The following RASGEF1B variants were observed in gnomAD, a reference collection of about 807,000 sequenced individuals.
The protein encoded by RASGEF1B is RasGEF domain family member 1B, also known as ras-GEF domain-containing family member 1B.
A neutral mutation model predicts 65.7 loss-of-function variants in RASGEF1B; 30 were observed. The observed-to-expected ratio is 0.46, with a 90% confidence interval of 0.34 to 0.62. The LOEUF (loss-of-function observed/expected upper bound fraction) is 0.62. Ranked by LOEUF, RASGEF1B falls within the 20% of genes least tolerant of loss-of-function variation. The pLI is 0.01. For synonymous variants in RASGEF1B, 175 were observed against 194.8 expected (o/e 0.90, Z 0.85); for missense variants, 495 against 580.1 (o/e 0.85, Z 1.51).
At chr4:81,440,122 T>C (rs1441180468) in intron 10 of RASGEF1B, among the ~76,000 whole-genome samples, 1 of 152,188 alleles carries the variant, frequency 6.6e-6, no homozygotes, top group Non-Finnish European at 1.5e-5. Flanking sequence ...CAAGCAACCT[T>C]CATTAACCCA....
intron 12 of RASGEF1B, among the ~76,000 whole-genome samples, chr4:81,433,364 C>A (rs186507312): frequency 6.6e-6 from 1 of 151,980 alleles, no homozygotes; most frequent in African/African-American, 2.4e-5. Flanking sequence ...TATGAGCTCA[C>A]TTCTGATGAT....
chr4:81,453,410 A>C (rs984340904), intron 4 of RASGEF1B: 1 of 152,190 alleles, frequency 6.6e-6, no homozygotes, highest in Non-Finnish European at 1.5e-5. Flanking sequence ...TCATCTCTAC[A>C]TTACTTATAA....
chr4:81,445,916 C>G, intron 6 of RASGEF1B, 78 bp from the exon 7 acceptor site: 1 of 1,020,940 alleles, frequency 9.8e-7, no homozygotes, highest in South Asian at 1.4e-5. Context: ...GAAATACGAG[C>G]CTTTAGTCTC....
chr4:81,463,225 A>G (rs1252542726), intron 1 of RASGEF1B, among the ~76,000 whole-genome samples: 2 of 152,202 alleles, frequency 1.3e-5, no homozygotes, highest in Non-Finnish European at 2.9e-5. Flanking sequence ...AAAAAGTTCA[A>G]CTGTCAACAG....
At chr4:81,442,239 G>C (rs1284758673) in intron 9 of RASGEF1B, 58 bp downstream of exon 9, 1 of 1,121,780 alleles carries the variant, frequency 8.9e-7, no homozygotes, top group African/African-American at 1.5e-5. Flanking sequence ...CCACATAAAG[G>C]AATTCCACTT....
intron 13 of RASGEF1B, among the ~76,000 whole-genome samples, chr4:81,431,147 A>C (rs1227861859): frequency 6.6e-6 from 1 of 151,930 alleles, no homozygotes; most frequent in Non-Finnish European, 1.5e-5. Context: ...CACATGAATA[A>C]TACTAAATAG....
intron 1 of RASGEF1B, among the ~76,000 whole-genome samples, chr4:81,463,359 C>T (rs1722708196): frequency 6.6e-6 from 1 of 152,096 alleles, no homozygotes; most frequent in African/African-American, 2.4e-5. Flanking sequence ...TGCATGTAAA[C>T]AGTTGAATGG....
chr4:81,433,922 T>C lies in RASGEF1B; in HGVS notation c.1242A>G (p.Thr414=), dbSNP rs2109966493. 1 of 1,614,024 alleles carries C rather than the reference T, an allele frequency of 6.2e-7. No individual in the cohort carries two copies. The highest frequency in any genetic ancestry group is 2.2e-5 in the East Asian group (1 of 44,864). Residue 414 remains threonine, a synonymous_variant, in exon 12 of 14, where the codon ACA becomes ACG. Transcript: ENST00000264400. ...CAAATGGACACTCCACTTGTTTCCA[T>C]GTCATAAATTCACTCACTTGTTTGG... is the stretch of plus-strand genomic sequence containing the variant. The part of the protein sequence containing the change: ...ELAKQVSEFM[T]WKQVECPFER...
chr4:81,459,699 T>C lies in RASGEF1B; in HGVS notation c.-6-185A>G, dbSNP rs141921004. Among the ~76,000 whole-genome samples, 268 of 152,298 alleles carry C rather than the reference T, an allele frequency of 1.8e-3. 6 individuals are homozygous for C. Among genetic ancestry groups the C allele is most frequent in the Admixed American group, 0.014 (214 of 15,298 alleles). The stretch of plus-strand genomic sequence containing the variant: ...AATTGCTCTCTGAGTACGACACGTA[T>C]GCATGCTTTTGAGTACCACTCTCAT... On this transcript the variant is annotated intron_variant, in intron 1 of 13. Transcript: ENST00000264400.
Position 81,457,546 on chromosome 4 carries a change from G to T in RASGEF1B, c.253C>A (p.His85Asn). The T allele has an allele frequency of 6.2e-7, 1 of 1,614,026 alleles. No homozygotes were observed. The highest frequency in any genetic ancestry group is 8.5e-7 in the Non-Finnish European group (1 of 1,179,962). The change falls in exon 3 of 14, where the codon CAC becomes AAC. Residue 85 changes from histidine to asparagine, a missense_variant. Physicochemically the swap from His to Asn is moderately conservative, Grantham distance 68. Coordinates refer to ENST00000264400, the MANE Select transcript of RASGEF1B (RefSeq NM_152545.3). ...AGTCTCTGGTGCTCAACACATAAGT[G>T]GCAAACTTTGGCCATTAGCTCATAC... ...HPYELMAKVCHLCVEHQRLSD... is the reference protein window; with the variant it reads ...HPYELMAKVCNLCVEHQRLSD...
At chr4:81,470,638 G>A (rs963062747) in intron 1 of RASGEF1B, among the ~76,000 whole-genome samples, 1 of 152,172 alleles carries the variant, frequency 6.6e-6, no homozygotes, top group African/African-American at 2.4e-5. Context: ...TTGGAGACGC[G>A]TTCGGCCCAA....
intron 13 of RASGEF1B, among the ~76,000 whole-genome samples, chr4:81,429,312 G>C (rs888526617): frequency 6.6e-6 from 1 of 152,218 alleles, no homozygotes; most frequent in African/African-American, 2.4e-5. Context: ...ACACAGATGA[G>C]AGCTGTTCTT....
chr4:81,446,604 G>A (rs917113456), intron 6 of RASGEF1B, among the ~76,000 whole-genome samples: 3 of 152,144 alleles, frequency 2.0e-5, no homozygotes, highest in Non-Finnish European at 4.4e-5. Context: ...AGAACATAAT[G>A]TTGCAACAAA....
In RASGEF1B at chr4:81,445,523, C is replaced by T; in HGVS notation, c.928+3G>A. ...CGACATGTATCCTCCACAAAATACT[C>T]ACAGATTATCGCCATCAAGGAGTTG... is the stretch of plus-strand genomic sequence containing the variant. On this transcript the variant is annotated splice_donor_region_variant and intron_variant, in intron 8 of 13. Coordinates refer to ENST00000264400, the MANE Select transcript of RASGEF1B (RefSeq NM_152545.3). 6.3e-7 allele frequency: 1 copy of T among 1,588,954 alleles called. No individual in the cohort carries two copies. The highest frequency in any genetic ancestry group is 8.6e-7 in the Non-Finnish European group (1 of 1,157,702).
Position 81,466,758 on chromosome 4 carries a change from CAA to C in RASGEF1B, c.-7+5010_-7+5011del, listed in dbSNP as rs748152922. 2.2e-3 allele frequency among the ~76,000 whole-genome samples: 125 copies of C among 57,604 alleles called. 3 individuals are homozygous for C. The highest frequency in any genetic ancestry group is 0.012 in the Middle Eastern group (1 of 84). 37.8% of individuals were successfully genotyped at this position (57,604 alleles called of 152,430 possible). ...TGGGCGACAGAGCAAGCCTCCATGT[CAA>C]AAAAAAAAAAAAAGAAAGAAAGAAA... On this transcript the variant is annotated intron_variant, in intron 1 of 13. Transcript: ENST00000264400.
intron 4 of RASGEF1B, 170 bp downstream of exon 4, chr4:81,456,481 A>G (rs777234299): frequency 3.1e-4 from 235 of 754,688 alleles, no homozygotes; most frequent in Non-Finnish European, 4.1e-5. Flanking sequence ...GTGGGATGGT[A>G]TAATCATTCT....
intron 10 of RASGEF1B, among the ~76,000 whole-genome samples, chr4:81,435,550 G>C (rs1350725075): frequency 8.2e-5 from 10 of 122,226 alleles, no homozygotes; most frequent in African/African-American, 3.2e-4. Flanking sequence ...CTCACTGCAA[G>C]CTCCACCTCC....
In RASGEF1B at chr4:81,427,797, G is replaced by C; in HGVS notation, c.1398-5C>G. On this transcript the variant is annotated splice_region_variant and splice_polypyrimidine_tract_variant and intron_variant, in intron 13 of 13. Coordinates refer to ENST00000264400, the MANE Select transcript of RASGEF1B (RefSeq NM_152545.3). ...ACTCTGCCTAAGAGGCTCGACCTGA[G>C]TAATAAAAACAACACAACCTAAGAC... 1 of 1,613,854 alleles carries C rather than the reference G, an allele frequency of 6.2e-7. No individual in the cohort carries two copies. Among genetic ancestry groups the C allele is most frequent in the Non-Finnish European group, 8.5e-7 (1 of 1,179,936 alleles).
chr4:81,467,146 A>T (rs1318681829), intron 1 of RASGEF1B, among the ~76,000 whole-genome samples: 1 of 152,264 alleles, frequency 6.6e-6, no homozygotes, highest in African/African-American at 2.4e-5. Flanking sequence ...TTTTTGAGGA[A>T]GGAAGATCCT....
Sources: allele counts gnomAD v4.1 joint callset (sites outside exome capture counted in the v4.1 genomes callset), GRCh38; gene constraint gnomAD v4.1.1; transcripts MANE v1.5; gene names NCBI Gene and HGNC (gene_info 2026-07-23, HGNC 2026-07-21).